Variants in ADAM12 observed in about 807,000 individuals in gnomAD.
ADAM12 encodes the protein disintegrin and metalloproteinase domain-containing protein 12.
In ADAM12, 70 loss-of-function variants were observed where a neutral mutation model predicts 106.4. The ratio of observed to expected loss-of-function variants is 0.66; its 90% CI spans 0.54 to 0.80. The LOEUF is 0.80. Among genes scored for constraint, ADAM12 ranks in the 30% least tolerant of loss-of-function variants. ADAM12 has a pLI of 0.00. For missense variants in ADAM12, 1,010 were observed against 1,171.9 expected (o/e 0.86, Z 2.02); for synonymous variants, 420 against 433.5 (o/e 0.97, Z 0.39).
intron 2 of ADAM12, among the ~76,000 whole-genome samples, chr10:126,297,386 T>A (rs536825316): frequency 1.3e-5 from 2 of 152,202 alleles, no homozygotes; most frequent in South Asian, 4.2e-4. Flanking sequence ...CTACAAAAAA[T>A]TTTAAAAAAT....
At position 126,043,274 on chromosome 10, in the gene ADAM12, C is replaced by A; in HGVS notation, c.1996-126G>T. 4 of 893,872 alleles carry A rather than the reference C, an allele frequency of 4.5e-6. No individual in the cohort carries two copies. The South Asian group carries it at 6.7e-5, about 15-fold the overall frequency. 55.4% of individuals were successfully genotyped at this position (893,872 alleles called of 1,614,324 possible). ...TGACACAGCCAGACTCAGCACACGC[C>A]ATGGTGCGAATAAGCCCAAAGCCGG... On this transcript the variant is annotated intron_variant, in intron 17 of 22. Transcript: ENST00000448723. The surrounding 1 kb of genome is among the most constrained non-coding windows in gnomAD (Gnocchi z 4.1).
chr10:126,263,453 AC>A (rs1365893788), intron 3 of ADAM12, among the ~76,000 whole-genome samples: 2 of 149,174 alleles, frequency 1.3e-5, no homozygotes, highest in African/African-American at 2.5e-5. Flanking sequence ...CCCCTATATC[AC>A]ACTAGATCCT....
chr10:126,353,996 G>A (rs1043672816), intron 1 of ADAM12, among the ~76,000 whole-genome samples: 3 of 151,268 alleles, frequency 2.0e-5, no homozygotes, highest in Non-Finnish European at 2.9e-5. Context: ...TCAAACTTGA[G>A]ATGCCATATT....
At chr10:126,246,144 G>T (rs1448427945) in intron 3 of ADAM12, among the ~76,000 whole-genome samples, 1 of 152,150 alleles carries the variant, frequency 6.6e-6, no homozygotes, top group Non-Finnish European at 1.5e-5. Flanking sequence ...GAGGAGAAAG[G>T]CAGGAATAAA....
chr10:126,019,604 C>G, intron 22 of ADAM12, 91 bp downstream of exon 22: 10 of 1,518,012 alleles, frequency 6.6e-6, no homozygotes, highest in Non-Finnish European at 8.9e-6. Context: ...ACGGCCTAGA[C>G]CACTGCACCC....
intron 14 of ADAM12, among the ~76,000 whole-genome samples, chr10:126,058,687 G>A (rs1191792422): frequency 6.6e-6 from 1 of 152,186 alleles, no homozygotes; most frequent in Non-Finnish European, 1.5e-5. Flanking sequence ...TGCCTGTCCA[G>A]AACCTGCTGA....
chr10:126,067,681 C>G (rs1238394299), intron 12 of ADAM12, among the ~76,000 whole-genome samples: 2 of 152,164 alleles, frequency 1.3e-5, no homozygotes, highest in African/African-American at 4.8e-5. Context: ...GCAGTTTACA[C>G]ATTTTAGAAG....
At chr10:126,040,944 G>A (rs1465710989) in intron 18 of ADAM12, among the ~76,000 whole-genome samples, 1 of 151,962 alleles carries the variant, frequency 6.6e-6, no homozygotes, top group Non-Finnish European at 1.5e-5. Flanking sequence ...CCTCCTGTTG[G>A]CCCAGTCCGC....
At chr10:126,376,299 C>CA (rs1856291516) in intron 1 of ADAM12, among the ~76,000 whole-genome samples, 1 of 151,844 alleles carries the variant, frequency 6.6e-6, no homozygotes, top group African/African-American at 2.4e-5. Flanking sequence ...AGTCAACCTA[C>CA]AAAAATAAGT....
At chr10:126,313,617 A>G (rs1961215428) in intron 2 of ADAM12, among the ~76,000 whole-genome samples, 2 of 152,052 alleles carry the variant, frequency 1.3e-5, no homozygotes, top group South Asian at 4.2e-4. Flanking sequence ...CCATCTGTCC[A>G]TCTGTCCATC....
chr10:126,066,730 C>G lies in ADAM12; in HGVS notation c.1400G>C (p.Cys467Ser). ...CCGGTGACTCACCTGGCAGTCTTCA[C>G]AGCACAGCCCATGTGCGCACACAGC... is the stretch of plus-strand genomic sequence containing the variant. ...PDAVCAHGLC[C>S]EDCQLKPAGT... Residue 467 changes from cysteine (C) to serine (S), a missense_variant, in exon 13 of 23, where the codon TGT (cysteine) becomes TCT (serine). By Grantham distance (112) the Cys-to-Ser change is moderately radical (BLOSUM62 -1). Transcript: ENST00000448723. The surrounding 1 kb of genome is among the most constrained non-coding windows in gnomAD (Gnocchi z 5.1). 1 of 1,614,162 alleles carries G rather than the reference C, an allele frequency of 6.2e-7. No homozygotes were observed. The highest frequency in any genetic ancestry group is 8.5e-7 in the Non-Finnish European group (1 of 1,179,994).
At chr10:126,344,501 TG>T (rs1855060351) in intron 1 of ADAM12, among the ~76,000 whole-genome samples, 1 of 152,218 alleles carries the variant, frequency 6.6e-6, no homozygotes, top group Middle Eastern at 3.2e-3. Context: ...GACTTGGAAA[TG>T]TGGGCTCTTT....
intron 2 of ADAM12, among the ~76,000 whole-genome samples, chr10:126,327,358 C>T (rs2133845848): frequency 6.6e-6 from 1 of 152,196 alleles, no homozygotes; most frequent in East Asian, 1.9e-4. Context: ...AATTTGAGGC[C>T]CCCTTTCTTT....
chr10:126,142,888 T>C (rs1015388093), intron 4 of ADAM12, among the ~76,000 whole-genome samples: 1 of 152,106 alleles, frequency 6.6e-6, no homozygotes, highest in Non-Finnish European at 1.5e-5. Flanking sequence ...GGCACGTGCG[T>C]ATATTTGTGT....
intron 18 of ADAM12, chr10:126,041,800 G>A: frequency 8.8e-7 from 1 of 1,138,726 alleles, no homozygotes; most frequent in Non-Finnish European, 1.1e-6. Flanking sequence ...GAGGCTCAGT[G>A]AAAGGCCAGA....
At chr10:126,369,112 T>TATTTG (rs1856018733) in intron 1 of ADAM12, among the ~76,000 whole-genome samples, 1 of 152,240 alleles carries the variant, frequency 6.6e-6, no homozygotes, top group Admixed American at 6.5e-5. Flanking sequence ...AATATTTGGA[T>TATTTG]ACATGGTATT....
chr10:126,201,396 G>A (rs1002750213), intron 3 of ADAM12, among the ~76,000 whole-genome samples: 4 of 152,088 alleles, frequency 2.6e-5, no homozygotes, highest in Non-Finnish European at 5.9e-5. Flanking sequence ...AAGTGACAAG[G>A]GAGGCAGAGA....
intron 5 of ADAM12, among the ~76,000 whole-genome samples, chr10:126,121,910 C>T (rs1052324101): frequency 4.6e-5 from 7 of 152,010 alleles, no homozygotes; most frequent in Non-Finnish European, 8.8e-5. Context: ...GACTAATCAA[C>T]TCATTAGTAT....
chr10:126,102,483 C>T (rs1733856702), intron 8 of ADAM12, among the ~76,000 whole-genome samples: 2 of 152,294 alleles, frequency 1.3e-5, no homozygotes, highest in South Asian at 4.1e-4. Flanking sequence ...ACATGGTGAA[C>T]TAAAGTAGAA....
Sources: allele counts gnomAD v4.1 joint callset (sites outside exome capture counted in the v4.1 genomes callset), GRCh38; gene constraint gnomAD v4.1.1; non-coding constraint Gnocchi (gnomAD v3.1); transcripts MANE v1.5; gene names NCBI Gene and HGNC (gene_info 2026-07-23, HGNC 2026-07-21).